Variants in AGAP1 observed in about 807,000 individuals in gnomAD.
The protein encoded by AGAP1 is ArfGAP with GTPase domain, ankyrin repeat and PH domain 1, also known as arf-GAP with GTPase, ANK repeat and PH domain-containing protein 1.
Under a neutral mutation model 105.3 loss-of-function variants are expected in AGAP1, and 29 were observed. The observed-to-expected ratio is 0.28, with a 90% CI of 0.21 to 0.38. AGAP1 has a LOEUF of 0.38. AGAP1 is among the 10% of genes least tolerant of loss of function. The pLI, the probability that AGAP1 is intolerant of heterozygous loss-of-function variation, is 1.00. For missense variants in AGAP1, 998 were observed against 1,165.1 expected (o/e 0.86, Z 2.09); for synonymous variants, 509 against 485.9 (o/e 1.05, Z -0.63).
rs772908678 is a variant in AGAP1 at position 235,662,250 on chromosome 2, G to A, written c.164-46929G>A. Among the ~76,000 whole-genome samples the A allele has an allele frequency of 3.9e-5, 6 of 152,200 alleles. No homozygotes were observed. The highest frequency in any genetic ancestry group is 5.9e-5 in the Non-Finnish European group (4 of 68,032). On this transcript the variant is annotated intron_variant, in intron 1 of 17. Transcript: ENST00000304032. This position sits in a 1 kb window ranked among gnomAD's most constrained non-coding sequence, Gnocchi z 4.2. ...GTGTATCCACTCAGTTGCATGCCAG[G>A]TAGTCACATCTTAACTTGTGGCGCG...
chr2:235,986,246 T>C (rs1475410409), intron 13 of AGAP1, among the ~76,000 whole-genome samples: 1 of 152,188 alleles, frequency 6.6e-6, no homozygotes, highest in East Asian at 1.9e-4. Flanking sequence ...GAATGAGAGT[T>C]GATTCATGAT....
chr2:235,696,779 T>C (rs879386214), intron 1 of AGAP1, among the ~76,000 whole-genome samples: 23 of 152,094 alleles, frequency 1.5e-4, no homozygotes, highest in African/African-American at 4.6e-4. Context: ...CCCCACCTTA[T>C]ACGAGACCAT....
rs2052905243 is a variant in AGAP1 at position 235,934,741 on chromosome 2, C to A, written c.1483+3818C>A. On this transcript the variant is annotated intron_variant, in intron 12 of 17. Transcript: ENST00000304032. This position sits in a 1 kb window ranked among gnomAD's most constrained non-coding sequence, Gnocchi z 4.9. ...GTCTTTGGTTTGGATTTCAGAGTCG[C>A]TTACTCTGTGCTGGCAGCAGGAATG... is the stretch of plus-strand genomic sequence containing the variant. 6.6e-6 allele frequency among the ~76,000 whole-genome samples: 1 copy of A among 152,068 alleles called. No individual in the cohort carries two copies. The highest frequency in any genetic ancestry group is 6.6e-5 in the Admixed American group (1 of 15,264).
chr2:236,012,824 G>A lies in AGAP1; in HGVS notation c.1646-23737G>A, dbSNP rs1375422798. Among the ~76,000 whole-genome samples, 3 of 151,998 alleles carry A rather than the reference G, an allele frequency of 2.0e-5. No homozygotes were observed. The highest frequency in any genetic ancestry group is 4.4e-5 in the Non-Finnish European group (3 of 68,016). ...GATGGAATCTCTCACTGTCGCCCAGGCTGGAGTGCAGTGGTACGATCTCAG... is the reference window on the plus strand; with the variant it reads ...GATGGAATCTCTCACTGTCGCCCAGACTGGAGTGCAGTGGTACGATCTCAG... On this transcript the variant is annotated intron_variant, in intron 13 of 17. Coordinates refer to ENST00000304032, the MANE Select transcript of AGAP1 (RefSeq NM_001037131.3). The surrounding 1 kb of genome is among the most constrained non-coding windows in gnomAD (Gnocchi z 4.9).
At chr2:235,764,153 G>A (rs917486419) in intron 6 of AGAP1, among the ~76,000 whole-genome samples, 2 of 152,222 alleles carry the variant, frequency 1.3e-5, no homozygotes, top group Admixed American at 6.5e-5. Context: ...GTTGGTAGGC[G>A]CTTTTATCGG....
intron 1 of AGAP1, among the ~76,000 whole-genome samples, chr2:235,658,865 G>C (rs1026046402): frequency 6.6e-6 from 1 of 152,154 alleles, no homozygotes; most frequent in Non-Finnish European, 1.5e-5. Flanking sequence ...TACCCGTGAG[G>C]GACCTTCTGT....
intron 1 of AGAP1, among the ~76,000 whole-genome samples, chr2:235,509,511 G>T (rs182974712): frequency 6.6e-6 from 1 of 151,864 alleles, no homozygotes. Context: ...GGGATTACAG[G>T]TGTGAGCCAC....
chr2:235,940,876 G>A (rs1368245340), intron 12 of AGAP1, among the ~76,000 whole-genome samples: 1 of 152,114 alleles, frequency 6.6e-6, no homozygotes, highest in Non-Finnish European at 1.5e-5. Flanking sequence ...TCATCACAAT[G>A]TCATTGCACG....
In AGAP1 at chr2:235,931,088, T is replaced by C. The variant is rs938380355; in HGVS notation, c.1483+165T>C. Among the ~76,000 whole-genome samples, 1 of 152,150 alleles carries C rather than the reference T, an allele frequency of 6.6e-6. No homozygotes were observed. Among genetic ancestry groups the C allele is most frequent in the African/African-American group, 2.4e-5 (1 of 41,430 alleles). ...CATCTTGCCTTTCATCTGTGGAACG[T>C]TTTGTCCTTGCTAGGCTGTCTTGCC... On this transcript the variant is annotated intron_variant, in intron 12 of 17. Transcript: ENST00000304032. This position sits in a 1 kb window ranked among gnomAD's most constrained non-coding sequence, Gnocchi z 5.6.
At chr2:236,102,447 G>A (rs1189891262) in intron 16 of AGAP1, among the ~76,000 whole-genome samples, 2 of 150,150 alleles carry the variant, frequency 1.3e-5, no homozygotes, top group Admixed American at 1.3e-4. Flanking sequence ...AGTTAGCTGG[G>A]TGTGGTGGCT....
At chr2:236,029,884 G>T (rs1383869836) in intron 13 of AGAP1, among the ~76,000 whole-genome samples, 1 of 152,036 alleles carries the variant, frequency 6.6e-6, no homozygotes, top group African/African-American at 2.4e-5. Context: ...GACTACAGGT[G>T]CAAGCCACCA....
Position 236,042,835 on chromosome 2 carries a change from C to T in AGAP1, c.1891+1994C>T, listed in dbSNP as rs559894308. Among the ~76,000 whole-genome samples the T allele has an allele frequency of 2.6e-5, 4 of 152,132 alleles. No homozygotes were observed. The highest frequency in any genetic ancestry group is 4.4e-5 in the Non-Finnish European group (3 of 68,018). On this transcript the variant is annotated intron_variant, in intron 15 of 17. Transcript: ENST00000304032. This position sits in a 1 kb window ranked among gnomAD's most constrained non-coding sequence, Gnocchi z 5.6. The stretch of plus-strand genomic sequence containing the variant: ...AGTTTGACAATTCAGGAGAAAGAGG[C>T]GATACCAAGCACGCATTTGCTAAAT...
rs2059975669 is a variant in AGAP1, at chr2:236,124,665, G to A, written c.*543G>A. On this transcript the variant is annotated 3_prime_UTR_variant, in exon 18 of 18. Coordinates refer to ENST00000304032, the MANE Select transcript of AGAP1 (RefSeq NM_001037131.3). The surrounding 1 kb of genome is among the most constrained non-coding windows in gnomAD (Gnocchi z 5.1). ...AATCAGTTGTAGCTAATCTGTCCAG[G>A]GAGAATACTGGCTTCATTACACTTG... 1 of 164,196 alleles carries A rather than the reference G, an allele frequency of 6.1e-6. No individual in the cohort carries two copies. Among genetic ancestry groups the A allele is most frequent in the Non-Finnish European group, 1.3e-5 (1 of 74,278 alleles). 10.2% of individuals were successfully genotyped at this position (164,196 alleles called of 1,614,324 possible).
intron 1 of AGAP1, chr2:235,670,509 G>C (rs1948338060): frequency 2.0e-6 from 1 of 497,202 alleles, no homozygotes; most frequent in South Asian, 2.8e-5. Context: ...CCCGCGTCCG[G>C]CAGCCCCGAC....
intron 1 of AGAP1, among the ~76,000 whole-genome samples, chr2:235,575,617 A>G (rs963831725): frequency 1.2e-4 from 18 of 152,244 alleles, no homozygotes; most frequent in African/African-American, 4.1e-4. Flanking sequence ...TGACACTAGT[A>G]TCCAGAGACA....
chr2:235,985,921 CT>C (rs1328800048), intron 13 of AGAP1, among the ~76,000 whole-genome samples: 4 of 152,114 alleles, frequency 2.6e-5, no homozygotes, highest in Non-Finnish European at 5.9e-5. Context: ...CAGATTTGTT[CT>C]TTTTGCTTAG....
chr2:236,043,222 G>T (rs2057609156), intron 15 of AGAP1, among the ~76,000 whole-genome samples: 1 of 152,178 alleles, frequency 6.6e-6, no homozygotes, highest in Non-Finnish European at 1.5e-5. Flanking sequence ...TATATAAAAA[G>T]CTTTTGAAGA....
In AGAP1 at chr2:235,919,865, A is replaced by G. The variant is rs192871670; in HGVS notation, c.1325-10900A>G. 1.1e-4 allele frequency among the ~76,000 whole-genome samples: 17 copies of G among 152,312 alleles called. No individual in the cohort carries two copies. The East Asian group carries it at 3.3e-3, about 29-fold the overall frequency. ...TTACACCCCTCATCCTCGCTGTTGC[A>G]TCAGCTTGTCCATATAACCCATACC... On this transcript the variant is annotated intron_variant, in intron 11 of 17. Transcript: ENST00000304032. The surrounding 1 kb of genome is among the most constrained non-coding windows in gnomAD (Gnocchi z 4.1).
At position 235,540,148 on chromosome 2, in the gene AGAP1, CT is replaced by C. The variant is rs535395155; in HGVS notation, c.163+45319del. ...TTTTTTCTCTCCCTCCCTCTCTCCT[CT>C]TTTTTTTTTTTTTTTTTTTGAGACA... On this transcript the variant is annotated intron_variant, in intron 1 of 17. Coordinates refer to ENST00000304032, the MANE Select transcript of AGAP1 (RefSeq NM_001037131.3). Among the ~76,000 whole-genome samples the C allele has an allele frequency of 2.9e-3, 374 of 129,106 alleles. 3 individuals are homozygous for C. Among genetic ancestry groups the C allele is most frequent in the African/African-American group, 7.8e-3 (264 of 33,688 alleles). The allele number at this position is 129,106 out of a possible 152,430, so 84.7% of individuals were successfully genotyped here.
Sources: allele counts gnomAD v4.1 joint callset (sites outside exome capture counted in the v4.1 genomes callset), GRCh38; gene constraint gnomAD v4.1.1; non-coding constraint Gnocchi (gnomAD v3.1); transcripts MANE v1.5; gene names NCBI Gene and HGNC (gene_info 2026-07-23, HGNC 2026-07-21).